RBBP8: variants seen among roughly 807,000 people sequenced by gnomAD.
RBBP8 encodes the protein RB binding protein 8, endonuclease.
RBBP8 carries 88 observed loss-of-function variants against 108.3 expected under a neutral mutation model. The observed-to-expected ratio is 0.81, with a 90% confidence interval of 0.68 to 0.97. The LOEUF is 0.97. RBBP8 is among the 50% of genes least tolerant of loss of function. The pLI is 0.00. For synonymous variants in RBBP8, 332 were observed against 348.2 expected, an observed-to-expected ratio of 0.95 and a Z score of 0.52; for missense variants, 1,023 against 1,049.0, an observed-to-expected ratio of 0.98 and a Z score of 0.34.
intron 4 of RBBP8, among the ~76,000 whole-genome samples, chr18:22,951,774 A>G (rs1241835998): frequency 6.6e-6 from 1 of 152,232 alleles, no homozygotes; most frequent in Non-Finnish European, 1.5e-5. Context: ...TATATTTACT[A>G]GAGTGACTCA....
intron 1 of RBBP8, among the ~76,000 whole-genome samples, chr18:22,936,354 A>G (rs937580564): frequency 6.6e-6 from 1 of 152,144 alleles, no homozygotes; most frequent in Non-Finnish European, 1.5e-5. Flanking sequence ...TGCCCACCTC[A>G]GCCTCCCAAA....
At chr18:23,008,592 T>C (rs890419941) in intron 16 of RBBP8, among the ~76,000 whole-genome samples, 1 of 152,138 alleles carries the variant, frequency 6.6e-6, no homozygotes, top group Non-Finnish European at 1.5e-5. Flanking sequence ...AGGAAGCTTC[T>C]TTCATAGGTT....
upstream of RBBP8, among the ~76,000 whole-genome samples, chr18:22,932,424 C>A (rs990922887): frequency 4.6e-5 from 7 of 152,134 alleles, no homozygotes; most frequent in African/African-American, 1.7e-4. Context: ...CTGTAACAGG[C>A]TAATAGAAGG....
At chr18:22,921,871 G>C (rs1184743898) in intron 3 of RBBP8, among the ~76,000 whole-genome samples, 1 of 152,216 alleles carries the variant, frequency 6.6e-6, no homozygotes, top group Non-Finnish European at 1.5e-5. Context: ...TTTATGTCCA[G>C]CATTGATCCA....
chr18:23,021,591 C>CT (rs2046346618), intron 17 of RBBP8, among the ~76,000 whole-genome samples: 1 of 152,108 alleles, frequency 6.6e-6, no homozygotes, highest in Non-Finnish European at 1.5e-5. Context: ...GCTTTTGATC[C>CT]TAACTGAAAT....
intron 6 of RBBP8, among the ~76,000 whole-genome samples, chr18:22,980,963 G>GTTTTTTTT (rs1567975146): frequency 3.8e-5 from 1 of 26,496 alleles, no homozygotes; most frequent in Non-Finnish European, 8.8e-5. Flanking sequence ...AGCCACTTAT[G>GTTTTTTTT]TCTTTTTTTT....
At chr18:22,987,999 A>G (rs1007890238) in intron 8 of RBBP8, among the ~76,000 whole-genome samples, 6 of 152,176 alleles carry the variant, frequency 3.9e-5, no homozygotes, top group African/African-American at 1.4e-4. Flanking sequence ...ATGACACTAT[A>G]CATGCCTCTT....
intron 14 of RBBP8, among the ~76,000 whole-genome samples, chr18:23,000,353 A>G (rs564418697): frequency 6.6e-6 from 1 of 152,332 alleles, no homozygotes; most frequent in South Asian, 2.1e-4. Context: ...TTCCGTGTCA[A>G]ATATGGCATT....
rs141673726 is a variant in RBBP8, at chr18:22,989,408, A to G, written c.807+90A>G. 1,195 of 957,450 alleles carry G rather than the reference A, an allele frequency of 1.2e-3. 8 individuals carry two copies. The African/African-American group carries it at 0.018, about 14-fold the overall frequency. 59.3% of individuals were successfully genotyped at this position (957,450 alleles called of 1,614,324 possible). On this transcript the variant is annotated intron_variant, in intron 9 of 18. Transcript: ENST00000327155. ...GAGAATTAAGCAAGAGAATTGTTCT[A>G]TCTAAAGATCTTGGGTAAAGGCCTG... is the stretch of plus-strand genomic sequence containing the variant.
intron 8 of RBBP8, among the ~76,000 whole-genome samples, chr18:22,987,878 C>A (rs1915439620): frequency 6.6e-6 from 1 of 152,234 alleles, no homozygotes; most frequent in Non-Finnish European, 1.5e-5. Context: ...ACCAATGTAT[C>A]TACCTGCTGT....
chr18:22,978,815 A>G (rs780743310), intron 6 of RBBP8, among the ~76,000 whole-genome samples: 7 of 152,226 alleles, frequency 4.6e-5, no homozygotes, highest in Admixed American at 6.5e-5. Context: ...TATATTTCAG[A>G]ACTGCCAAGT....
intron 3 of RBBP8, among the ~76,000 whole-genome samples, chr18:22,918,624 C>CT (rs1190114477): frequency 4.6e-5 from 7 of 151,900 alleles, no homozygotes; most frequent in African/African-American, 9.7e-5. Context: ...TTTCCAACAG[C>CT]TTTTTTTTGT....
At chr18:23,012,207 C>CAAA (rs368600707) in intron 16 of RBBP8, among the ~76,000 whole-genome samples, 34,480 of 79,970 alleles carry the variant, frequency 0.43, 10,672 homozygotes, top group South Asian at 0.56. Context: ...GATGCTGTCT[C>CAAA]CAAAAAAAAA....
chr18:22,996,549 C>T lies in RBBP8; in HGVS notation c.2028+87C>T, dbSNP rs570010719. ...CTCCTCTCGTGACTCACTGTATCAC[C>T]TTAAGATAATCAGATACGTCTTAAA... is the stretch of plus-strand genomic sequence containing the variant. On this transcript the variant is annotated intron_variant, in intron 13 of 18. Transcript: ENST00000327155. The T allele has an allele frequency of 5.1e-6, 8 of 1,557,046 alleles. No homozygotes were observed. The African/African-American group carries it at 9.5e-5, about 19-fold the overall frequency.
chr18:22,959,736 T>TTG (rs1208403082), intron 4 of RBBP8, among the ~76,000 whole-genome samples: 144 of 149,640 alleles, frequency 9.6e-4, no homozygotes, highest in South Asian at 1.5e-3. Context: ...GTGTGTGTGT[T>TTG]TGTGTGTGTG....
At chr18:23,014,085 G>A (rs915754288) in intron 16 of RBBP8, among the ~76,000 whole-genome samples, 13 of 152,002 alleles carry the variant, frequency 8.6e-5, no homozygotes, top group African/African-American at 1.9e-4. Flanking sequence ...TGCAACCTCC[G>A]CCTCCCGAGT....
At chr18:22,948,155 T>C (rs930436978) in intron 3 of RBBP8, among the ~76,000 whole-genome samples, 2 of 152,090 alleles carry the variant, frequency 1.3e-5, no homozygotes, top group Non-Finnish European at 2.9e-5. Context: ...TTAAGGCAAA[T>C]GTGTGTAAAT....
At position 22,958,194 on chromosome 18, in the gene RBBP8, T is replaced by C. The variant is rs114154854; in HGVS notation, c.248+8481T>C. Among the ~76,000 whole-genome samples the C allele has an allele frequency of 6.4e-3, 971 of 152,366 alleles. 10 individuals are homozygous for C. The highest frequency in any genetic ancestry group is 0.022 in the African/African-American group (931 of 41,582). ...ACCAGATTTCAGTCTTTTTTGTATT[T>C]TGTTTATAAGCTGATTCTAGAAGTT... On this transcript the variant is annotated intron_variant, in intron 4 of 18. Coordinates refer to ENST00000327155, the MANE Select transcript of RBBP8 (RefSeq NM_002894.3).
intron 4 of RBBP8, among the ~76,000 whole-genome samples, chr18:22,963,193 G>C (rs1282230308): frequency 6.6e-6 from 1 of 151,552 alleles, no homozygotes; most frequent in Non-Finnish European, 1.5e-5. Flanking sequence ...ATGTTTATGA[G>C]CTATCTATAA....
Sources: allele counts gnomAD v4.1 joint callset (sites outside exome capture counted in the v4.1 genomes callset), GRCh38; gene constraint gnomAD v4.1.1; transcripts MANE v1.5; gene names NCBI Gene and HGNC (gene_info 2026-07-23, HGNC 2026-07-21).